LARGE1: variants seen among roughly 807,000 people sequenced by gnomAD.
The protein encoded by LARGE1 is LARGE xylosyl- and glucuronyltransferase 1.
LARGE1 carries 43 observed loss-of-function variants against 87.6 expected under a neutral mutation model. The ratio of observed to expected loss-of-function variants is 0.49; its 90% confidence interval spans 0.38 to 0.63. LARGE1 has a LOEUF of 0.63. Among genes scored for constraint, LARGE1 ranks in the 30% least tolerant of loss-of-function variants. LARGE1 has a pLI of 0.00. For missense variants in LARGE1, 802 were observed against 1,000.2 expected, an observed-to-expected ratio of 0.80 and a Z score of 2.67; for synonymous variants, 434 against 394.6, an observed-to-expected ratio of 1.10 and a Z score of -1.18.
intron 1 of LARGE1, among the ~76,000 whole-genome samples, chr22:33,768,817 A>G (rs1569437099): frequency 6.6e-6 from 1 of 152,280 alleles, no homozygotes; most frequent in East Asian, 1.9e-4. Flanking sequence ...CCTTGAACCA[A>G]CAGCCATTAG....
chr22:33,606,129 G>T (rs1350960771), intron 4 of LARGE1, among the ~76,000 whole-genome samples: 2 of 152,158 alleles, frequency 1.3e-5, no homozygotes, highest in Non-Finnish European at 2.9e-5. Context: ...GTTTGGACAG[G>T]GCACGGCGGC....
At chr22:33,202,961 C>A (rs1924471083) in intron 11 of LARGE1, among the ~76,000 whole-genome samples, 1 of 152,076 alleles carries the variant, frequency 6.6e-6, no homozygotes, top group African/African-American at 2.4e-5. Flanking sequence ...AGTGATGATT[C>A]ATTTTTGTAG....
chr22:33,111,506 C>T, the LARGE1 span, among the ~76,000 whole-genome samples: 8 of 152,132 alleles, frequency 5.3e-5, no homozygotes, highest in African/African-American at 1.9e-4. Flanking sequence ...CCTTCCCACC[C>T]CCAAAGGCAT....
intron 14 of LARGE1, among the ~76,000 whole-genome samples, chr22:33,276,247 G>A (rs77915667): frequency 0.038 from 5,767 of 151,644 alleles, 348 homozygotes; most frequent in African/African-American, 0.13. Flanking sequence ...TGGAGGGACC[G>A]AGGAATCCTT....
At position 33,545,218 on chromosome 22, in the gene LARGE1, T is replaced by C. The variant is rs140182290; in HGVS notation, c.787+19630A>G. On this transcript the variant is annotated intron_variant, in intron 6 of 14. Transcript: ENST00000397394. Reference sequence around the variant, plus strand: ...GAAAGTAGGTCATGTACAAATCTTTTTTCTTTTGTACTACACCTGACCAGA... The same window carrying C: ...GAAAGTAGGTCATGTACAAATCTTTCTTCTTTTGTACTACACCTGACCAGA... Among the ~76,000 whole-genome samples, 286 of 152,198 alleles carry C rather than the reference T, an allele frequency of 1.9e-3. 1 individual carries two copies. The highest frequency in any genetic ancestry group is 0.014 in the Middle Eastern group (4 of 294).
intron 5 of LARGE1, among the ~76,000 whole-genome samples, chr22:33,571,007 T>C (rs1159532006): frequency 6.6e-6 from 1 of 152,150 alleles, no homozygotes; most frequent in Non-Finnish European, 1.5e-5. Flanking sequence ...TCCCACCATG[T>C]TGTTCATCAC....
exon 12 of LARGE1, chr22:33,164,184 A>G (rs1054878415): frequency 1.3e-5 from 2 of 152,214 alleles, no homozygotes; most frequent in African/African-American, 4.8e-5. Flanking sequence ...GAGCAGAAAC[A>G]TCTTGCAGTT....
chr22:33,872,014 T>C (rs1457021383), intron 1 of LARGE1, among the ~76,000 whole-genome samples: 2 of 128,390 alleles, frequency 1.6e-5, no homozygotes, highest in Admixed American at 7.7e-5. Context: ...GAAAACAATA[T>C]TGGGGAAAGG....
At chr22:33,374,928 T>C (rs928131029) in intron 9 of LARGE1, among the ~76,000 whole-genome samples, 1 of 152,196 alleles carries the variant, frequency 6.6e-6, no homozygotes, top group African/African-American at 2.4e-5. Context: ...AGCTATTGTT[T>C]TGAATTCTTC....
chr22:33,084,082 T>C, the LARGE1 span, among the ~76,000 whole-genome samples: 6 of 152,220 alleles, frequency 3.9e-5, no homozygotes, highest in East Asian at 7.7e-4. Context: ...TAGCCCATTG[T>C]TGAAAATGAC....
At chr22:33,433,012 T>C (rs1305375637) in intron 6 of LARGE1, among the ~76,000 whole-genome samples, 3 of 152,202 alleles carry the variant, frequency 2.0e-5, no homozygotes, top group Admixed American at 6.5e-5. Context: ...AGCCTTGTGG[T>C]CAATCTCTTA....
chr22:33,696,091 A>G (rs1011088604), intron 2 of LARGE1, among the ~76,000 whole-genome samples: 5 of 152,184 alleles, frequency 3.3e-5, no homozygotes, highest in Admixed American at 2.0e-4. Context: ...GGTGAGTGGC[A>G]TACCATGATA....
At chr22:33,278,746 A>G (rs1464138846) in intron 13 of LARGE1, among the ~76,000 whole-genome samples, 3 of 151,894 alleles carry the variant, frequency 2.0e-5, no homozygotes, top group Admixed American at 2.0e-4. Context: ...TTTGGGATGG[A>G]GTCTCGCTCT....
At chr22:33,425,752 T>C (rs1245560534) in intron 7 of LARGE1, among the ~76,000 whole-genome samples, 2 of 152,290 alleles carry the variant, frequency 1.3e-5, no homozygotes, top group South Asian at 4.2e-4. Context: ...ATAAGATCTC[T>C]AACATGCACA....
rs190174705 is a variant in LARGE1, at chr22:33,399,233, G to T, written c.893-14929C>A. Among the ~76,000 whole-genome samples, 15 of 152,072 alleles carry T rather than the reference G, an allele frequency of 9.9e-5. No homozygotes were observed. In the East Asian group the frequency reaches 2.5e-3, roughly 26 times the overall value. On this transcript the variant is annotated intron_variant, in intron 7 of 14. Coordinates refer to ENST00000397394, the MANE Select transcript of LARGE1 (RefSeq NM_133642.5). Reference sequence around the variant, plus strand: ...CTCTCACTTACGAGTGAGAACAGGTGGTACTTGGTTTTCTCTTCCTGTGTT... The same window carrying T: ...CTCTCACTTACGAGTGAGAACAGGTTGTACTTGGTTTTCTCTTCCTGTGTT...
chr22:33,294,913 G>A lies in LARGE1; in HGVS notation c.1730+9316C>T, dbSNP rs183124674. ...AAATGACAAAGACCTGAGTTGACAC[G>A]ATAGCTCTGCCACTTAAATACATAT... is the stretch of plus-strand genomic sequence containing the variant. On this transcript the variant is annotated intron_variant, in intron 12 of 14. Coordinates refer to ENST00000397394, the MANE Select transcript of LARGE1 (RefSeq NM_133642.5). Among the ~76,000 whole-genome samples the A allele has an allele frequency of 4.6e-5, 7 of 152,278 alleles. No homozygotes were observed. In the East Asian group the frequency reaches 1.2e-3, roughly 25 times the overall value.
At chr22:33,876,568 G>A (rs541668800) in intron 1 of LARGE1, among the ~76,000 whole-genome samples, 1 of 151,394 alleles carries the variant, frequency 6.6e-6, no homozygotes, top group East Asian at 2.0e-4. Context: ...ACACTGCATT[G>A]TTCTCACTCA....
rs575152011 is a variant in LARGE1 at position 33,838,298 on chromosome 22, T to C, written c.-82-76740A>G. ...ACTATGGCTGCTGAAATCTCGTCTA[T>C]TCAATCTTCAGTGACTCATACAGCC... On this transcript the variant is annotated intron_variant, in intron 1 of 14. Coordinates refer to ENST00000397394, the MANE Select transcript of LARGE1 (RefSeq NM_133642.5). 5.6e-4 allele frequency among the ~76,000 whole-genome samples: 85 copies of C among 152,318 alleles called. 1 individual carries two copies. The highest frequency in any genetic ancestry group is 3.9e-3 in the South Asian group (19 of 4,826).
rs141001786 is a variant in LARGE1 at position 33,313,201 on chromosome 22, G to A, written c.1451+2884C>T. ...TATTGTGTTCCCCACTGGCCCTGAC[G>A]TCTTCTCTGTCCCGTGAACATGCTG... On this transcript the variant is annotated intron_variant, in intron 11 of 14. Coordinates refer to ENST00000397394, the MANE Select transcript of LARGE1 (RefSeq NM_133642.5). Among the ~76,000 whole-genome samples, 224 of 152,026 alleles carry A rather than the reference G, an allele frequency of 1.5e-3. 1 individual carries two copies. The highest frequency in any genetic ancestry group is 5.2e-3 in the African/African-American group (216 of 41,470).
Sources: allele counts gnomAD v4.1 joint callset (sites outside exome capture counted in the v4.1 genomes callset), GRCh38; gene constraint gnomAD v4.1.1; transcripts MANE v1.5; gene names NCBI Gene and HGNC (gene_info 2026-07-23, HGNC 2026-07-21).